ANXA8: variants seen among roughly 807,000 people sequenced by gnomAD.
ANXA8 encodes annexin A8.
Under a neutral mutation model 26.8 loss-of-function variants are expected in ANXA8, and 9 were observed. The observed-to-expected ratio is 0.34, with a 90% CI of 0.20 to 0.59. The LOEUF (loss-of-function observed/expected upper bound fraction) is 0.59. Among genes scored for constraint, ANXA8 ranks in the 20% least tolerant of loss-of-function variants. The pLI, the probability that ANXA8 is intolerant of heterozygous loss-of-function variation, is 0.84. For synonymous variants in ANXA8, 39 were observed against 94.8 expected, an observed-to-expected ratio of 0.41 and a Z score of 3.42; for missense variants, 83 against 238.5, an observed-to-expected ratio of 0.35 and a Z score of 4.29.
At chr10:47,991,785 C>T in the ANXA8 span, 12,353 of 1,609,390 alleles carry the variant, frequency 7.7e-3, 351 homozygotes, top group African/African-American at 0.14. Flanking sequence ...CTGGCTCCTG[C>T]AGCTGAGGAG....
At chr10:47,534,882 C>T in the ANXA8 span, among the ~76,000 whole-genome samples, 3 of 90,708 alleles carry the variant, frequency 3.3e-5, no homozygotes, top group Non-Finnish European at 4.2e-5. Flanking sequence ...CTCAAACTCC[C>T]GGTCTCAGGT....
At chr10:47,701,037 A>G in the ANXA8 span, among the ~76,000 whole-genome samples, 2 of 150,800 alleles carry the variant, frequency 1.3e-5, no homozygotes, top group Admixed American at 6.6e-5. Flanking sequence ...AGCTGTATTC[A>G]TGCCACTGCA....
the ANXA8 span, among the ~76,000 whole-genome samples, chr10:47,688,481 G>A: frequency 1.3e-5 from 2 of 151,402 alleles, no homozygotes; most frequent in African/African-American, 4.9e-5. Context: ...GAGTGCAGTG[G>A]TGAGATCTTG....
At chr10:47,490,662 C>T in the ANXA8 span, among the ~76,000 whole-genome samples, 2 of 143,726 alleles carry the variant, frequency 1.4e-5, no homozygotes, top group South Asian at 2.3e-4. Flanking sequence ...TTTCTCCCAA[C>T]AGGAATCATA....
chr10:47,503,862 C>G, the ANXA8 span, among the ~76,000 whole-genome samples: 33 of 102,532 alleles, frequency 3.2e-4, no homozygotes, highest in African/African-American at 1.4e-3. Flanking sequence ...TGAACAGGGA[C>G]CTGGGAGGCA....
the ANXA8 span, among the ~76,000 whole-genome samples, chr10:47,646,822 A>G: frequency 1.3e-5 from 2 of 152,086 alleles, no homozygotes; most frequent in Non-Finnish European, 2.9e-5. Context: ...ATTTGAACTC[A>G]TTCTCTTCAG....
the ANXA8 span, among the ~76,000 whole-genome samples, chr10:47,636,325 C>T: frequency 7.1e-6 from 1 of 140,204 alleles, no homozygotes; most frequent in African/African-American, 2.8e-5. Flanking sequence ...AGGGTCTCTG[C>T]CTTTATGAAG....
chr10:47,960,930 C>A, the ANXA8 span, among the ~76,000 whole-genome samples: 6 of 139,762 alleles, frequency 4.3e-5, no homozygotes, highest in Non-Finnish European at 9.1e-5. Context: ...TGTAGGAAGA[C>A]CTTGGCAGGA....
chr10:47,898,811 ATTTTT>A, the ANXA8 span, among the ~76,000 whole-genome samples: 40 of 56,252 alleles, frequency 7.1e-4, no homozygotes, highest in African/African-American at 2.6e-3. Flanking sequence ...AAGAGAATGG[ATTTTT>A]TTTTTTTTTT....
the ANXA8 span, among the ~76,000 whole-genome samples, chr10:47,548,541 T>C: frequency 2.1e-4 from 32 of 152,004 alleles, no homozygotes; most frequent in Non-Finnish European, 8.8e-5. Flanking sequence ...CCTCAGGTGA[T>C]TCACCCACTT....
the ANXA8 span, among the ~76,000 whole-genome samples, chr10:47,933,482 C>G: frequency 5.4e-5 from 2 of 36,822 alleles, 1 homozygote. Context: ...GGCCTTTCTT[C>G]CCAGAGTATC....
the ANXA8 span, among the ~76,000 whole-genome samples, chr10:47,627,553 G>A: frequency 6.7e-6 from 1 of 149,706 alleles, no homozygotes; most frequent in African/African-American, 2.5e-5. Flanking sequence ...TCCACCACTG[G>A]CATTTATTGG....
the ANXA8 span, among the ~76,000 whole-genome samples, chr10:47,743,877 A>G: frequency 1.4e-5 from 2 of 141,748 alleles, no homozygotes; most frequent in Admixed American, 7.1e-5. Context: ...CAGTGCCCAG[A>G]CCCCGGGAAG....
the ANXA8 span, among the ~76,000 whole-genome samples, chr10:47,521,563 C>T: frequency 7.1e-6 from 1 of 141,410 alleles, no homozygotes; most frequent in Non-Finnish European, 1.5e-5. Flanking sequence ...TTAAATGAAA[C>T]CAATAAGCCA....
the ANXA8 span, among the ~76,000 whole-genome samples, chr10:47,513,516 T>A: frequency 7.1e-6 from 1 of 141,746 alleles, no homozygotes; most frequent in Non-Finnish European, 1.5e-5. Flanking sequence ...CCATCCTTCT[T>A]CACAGAACTA....
At chr10:47,651,595 A>C in the ANXA8 span, among the ~76,000 whole-genome samples, 2 of 150,402 alleles carry the variant, frequency 1.3e-5, no homozygotes, top group East Asian at 2.0e-4. Flanking sequence ...TGATGAATGG[A>C]TAAACAATAC....
the ANXA8 span, among the ~76,000 whole-genome samples, chr10:47,733,299 T>TTTCTTTC: frequency 9.9e-6 from 1 of 100,638 alleles, no homozygotes. Context: ...TTCTTTCTTT[T>TTTCTTTC]TTTTCTTTCT....
chr10:47,570,264 A>G, the ANXA8 span, among the ~76,000 whole-genome samples: 139 of 143,578 alleles, frequency 9.7e-4, 1 homozygote, highest in African/African-American at 3.6e-3. Context: ...AAGGCTTCTA[A>G]TTTGTTTGAA....
chr10:47,474,982 C>A lies in ANXA8; in HGVS notation c.515G>T (p.Ser172Ile). The A allele has an allele frequency of 3.9e-6, 6 of 1,530,682 alleles. 2 individuals are homozygous for A. Among genetic ancestry groups the A allele is most frequent in the Non-Finnish European group, 4.4e-6 (5 of 1,131,634 alleles). 94.8% of individuals were successfully genotyped at this position (1,530,682 alleles called of 1,614,324 possible). ...GAGGGCCAGTCCTGGGTCCACAAAGCTGCTCACATCATCCCTGCTGCCCTA... is the reference window on the plus strand; with the variant it reads ...GAGGGCCAGTCCTGGGTCCACAAAGATGCTCACATCATCCCTGCTGCCCTA... ...LLQGSRDDVSSFVDPGLALQD... is the reference protein window; with the variant it reads ...LLQGSRDDVSIFVDPGLALQD... The change falls in exon 7 of 12, where the codon AGC (serine) becomes ATC (isoleucine). Residue 172 changes from serine to isoleucine, a missense_variant. Transcript: ENST00000585281.
Sources: gnomAD v4.1 joint callset for allele counts (sites outside exome capture counted in the v4.1 genomes callset) on GRCh38, gnomAD v4.1.1 for gene constraint, MANE v1.5 for transcripts, NCBI Gene and HGNC (gene_info 2026-07-23, HGNC 2026-07-21) for gene names.